Variants in GRM7 observed in about 807,000 individuals in gnomAD.
The protein encoded by GRM7 is metabotropic glutamate receptor 7.
GRM7 carries 35 observed loss-of-function variants against 84.5 expected under a neutral mutation model. The observed-to-expected ratio is 0.41, with a 90% CI of 0.32 to 0.55. GRM7 has a LOEUF of 0.55. Ranked by LOEUF, GRM7 falls within the 20% of genes least tolerant of loss-of-function variation. GRM7 has a pLI of 0.19. For synonymous variants in GRM7, 487 were observed against 455.1 expected, an observed-to-expected ratio of 1.07 and a Z score of -0.89; for missense variants, 1,003 against 1,194.6, an observed-to-expected ratio of 0.84 and a Z score of 2.36.
intron 6 of GRM7, among the ~76,000 whole-genome samples, chr3:7,453,412 T>C (rs1697862218): frequency 6.6e-6 from 1 of 152,174 alleles, no homozygotes; most frequent in African/African-American, 2.4e-5. Context: ...TTGTCTGGGC[T>C]TCTGATGGTC....
In GRM7 at chr3:6,861,700, G is replaced by A. The variant is rs1392652247; in HGVS notation, c.312G>A (p.Arg104=). 3 of 1,614,054 alleles carry A rather than the reference G, an allele frequency of 1.9e-6. No homozygotes were observed. Among genetic ancestry groups the A allele is most frequent in the Admixed American group, 1.7e-5 (1 of 60,010 alleles). ...TGCCCAACGTGACGCTGGGCGCGCG[G>A]ATCCTGGACACTTGTTCCAGGGACA... is the stretch of plus-strand genomic sequence containing the variant. ...NLLPNVTLGA[R]ILDTCSRDTY... The change falls in exon 1 of 10, where the codon CGG becomes CGA. Residue 104 remains arginine (R), a synonymous_variant. Coordinates refer to ENST00000357716, the MANE Select transcript of GRM7 (RefSeq NM_000844.4). The surrounding 1 kb of genome is among the most constrained non-coding windows in gnomAD (Gnocchi z 6.4).
intron 1 of GRM7, among the ~76,000 whole-genome samples, chr3:7,082,345 C>G (rs1295249383): frequency 6.6e-6 from 1 of 151,996 alleles, no homozygotes; most frequent in African/African-American, 2.4e-5. Flanking sequence ...AACAACAAAA[C>G]CTGGATGACA....
intron 5 of GRM7, among the ~76,000 whole-genome samples, chr3:7,434,608 C>T (rs1024688393): frequency 1.3e-5 from 2 of 152,028 alleles, no homozygotes; most frequent in African/African-American, 2.4e-5. Context: ...GATTCATTTT[C>T]AAATATTAAG....
At position 7,530,105 on chromosome 3, in the gene GRM7, C is replaced by G. The variant is rs570738764; in HGVS notation, c.1516-48317C>G. Among the ~76,000 whole-genome samples, 149 of 146,520 alleles carry G rather than the reference C, an allele frequency of 1.0e-3. 1 individual carries two copies. The highest frequency in any genetic ancestry group is 3.5e-3 in the Middle Eastern group (1 of 282). ...ATCCCTCCCCTATCCCCCCCACCCC[C>G]CAACAGGCCCCGGTGTGTGATGTTC... On this transcript the variant is annotated intron_variant, in intron 7 of 9. Coordinates refer to ENST00000357716, the MANE Select transcript of GRM7 (RefSeq NM_000844.4).
chr3:7,572,863 T>A (rs372403439), intron 7 of GRM7, among the ~76,000 whole-genome samples: 3,796 of 55,734 alleles, frequency 0.068, 605 homozygotes, highest in African/African-American at 0.14. Context: ...TATATATATA[T>A]ATATATATAT....
At chr3:7,042,932 C>T (rs1159333186) in intron 1 of GRM7, among the ~76,000 whole-genome samples, 1 of 152,082 alleles carries the variant, frequency 6.6e-6, no homozygotes, top group Non-Finnish European at 1.5e-5. Context: ...CTAGGATGTA[C>T]TCAAGTTACT....
intron 1 of GRM7, among the ~76,000 whole-genome samples, chr3:7,062,249 A>C (rs917970826): frequency 3.3e-5 from 5 of 151,660 alleles, no homozygotes; most frequent in Non-Finnish European, 1.5e-5. Context: ...TAAGGAGATG[A>C]GTAGTGAATG....
At chr3:7,214,853 T>G (rs1696548844) in intron 2 of GRM7, among the ~76,000 whole-genome samples, 1 of 152,186 alleles carries the variant, frequency 6.6e-6, no homozygotes, top group Admixed American at 6.5e-5. Flanking sequence ...ACCTAGAGAT[T>G]TTTCCTAAGA....
At chr3:7,566,071 G>A (rs1000323752) in intron 7 of GRM7, among the ~76,000 whole-genome samples, 6 of 133,854 alleles carry the variant, frequency 4.5e-5, no homozygotes, top group East Asian at 4.3e-4. Flanking sequence ...CTAAGGATTT[G>A]TATTTCTGTT....
At chr3:7,512,809 T>C (rs1227159773) in intron 7 of GRM7, among the ~76,000 whole-genome samples, 1 of 152,080 alleles carries the variant, frequency 6.6e-6, no homozygotes, top group Non-Finnish European at 1.5e-5. Context: ...ACAGACGTTT[T>C]TGGGGGAGTG....
intron 1 of GRM7, among the ~76,000 whole-genome samples, chr3:7,127,907 G>C (rs1188707052): frequency 6.6e-6 from 1 of 151,974 alleles, no homozygotes; most frequent in Non-Finnish European, 1.5e-5. Context: ...ACTTGCTTTT[G>C]GTAATAGATT....
At chr3:7,331,001 G>C (rs36088775) in intron 4 of GRM7, among the ~76,000 whole-genome samples, 2 of 152,080 alleles carry the variant, frequency 1.3e-5, no homozygotes, top group African/African-American at 2.4e-5. Flanking sequence ...GCCCCTGTAA[G>C]AGCTTGCTAT....
At chr3:7,286,868 C>T (rs1255220057) in intron 2 of GRM7, among the ~76,000 whole-genome samples, 1 of 152,134 alleles carries the variant, frequency 6.6e-6, no homozygotes, top group Non-Finnish European at 1.5e-5. Context: ...AACACAATAT[C>T]ATTGAATATG....
At chr3:6,972,552 G>T (rs982518747) in intron 1 of GRM7, among the ~76,000 whole-genome samples, 3 of 152,178 alleles carry the variant, frequency 2.0e-5, no homozygotes, top group African/African-American at 7.2e-5. Flanking sequence ...ATTTTCTAGA[G>T]GGTGAAAGCC....
At chr3:7,269,225 AT>A (rs1698762695) in intron 2 of GRM7, among the ~76,000 whole-genome samples, 1 of 152,228 alleles carries the variant, frequency 6.6e-6, no homozygotes. Context: ...AAACAAATAT[AT>A]AATTTCACAG....
In GRM7 at chr3:7,674,966, G is replaced by A. The variant is rs187152883; in HGVS notation, c.2452-5083G>A. On this transcript the variant is annotated intron_variant, in intron 8 of 9. Transcript: ENST00000357716. The stretch of plus-strand genomic sequence containing the variant: ...GCCTATCTGAAAACTACAGCTAACA[G>A]TGATTTGCCAAACATGGTCAAGCAT... Among the ~76,000 whole-genome samples, 69 of 152,278 alleles carry A rather than the reference G, an allele frequency of 4.5e-4. 1 individual carries two copies. Among genetic ancestry groups the A allele is most frequent in the African/African-American group, 1.3e-3 (54 of 41,572 alleles).
intron 1 of GRM7, among the ~76,000 whole-genome samples, chr3:7,036,593 T>G (rs558293170): frequency 5.3e-5 from 8 of 152,192 alleles, no homozygotes; most frequent in Non-Finnish European, 8.8e-5. Context: ...AAGAGCTACT[T>G]TAACTGTGAA....
Position 7,615,471 on chromosome 3 carries a change from G to A in GRM7, c.2451+36114G>A, listed in dbSNP as rs149675001. Among the ~76,000 whole-genome samples, 367 of 152,076 alleles carry A rather than the reference G, an allele frequency of 2.4e-3. 1 individual carries two copies. Among genetic ancestry groups the A allele is most frequent in the Middle Eastern group, 0.017 (5 of 294 alleles). On this transcript the variant is annotated intron_variant, in intron 8 of 9. Transcript: ENST00000357716. ...TACACTAAATTCTAAATTTGTTGCC[G>A]TTTCTTTTTAATCACATCACCTTGA...
chr3:7,077,233 A>G (rs991874566), intron 1 of GRM7, among the ~76,000 whole-genome samples: 7 of 152,202 alleles, frequency 4.6e-5, no homozygotes, highest in African/African-American at 1.4e-4. Context: ...GTGTATACCC[A>G]AAGGATTATA....
Sources: gnomAD v4.1 joint callset for allele counts (sites outside exome capture counted in the v4.1 genomes callset) on GRCh38, gnomAD v4.1.1 for gene constraint, Gnocchi (gnomAD v3.1) non-coding constraint, MANE v1.5 for transcripts, NCBI Gene and HGNC (gene_info 2026-07-23, HGNC 2026-07-21) for gene names.